FRMD4A: variants seen among roughly 807,000 people sequenced by gnomAD.
FRMD4A encodes FERM domain-containing protein 4A.
FRMD4A carries 29 observed loss-of-function variants against 129.1 expected under a neutral mutation model. That is an observed-to-expected ratio of 0.22 (90% CI 0.17 to 0.31). The LOEUF (loss-of-function observed/expected upper bound fraction) is 0.31, where lower values mean the gene tolerates loss of function less well. Ranked by LOEUF, FRMD4A falls within the 10% of genes least tolerant of loss-of-function variation. The probability of loss-of-function intolerance (pLI) is 1.00; values close to 1 mark genes in which losing one functional copy is unlikely to be tolerated. For synonymous variants in FRMD4A, 634 were observed against 571.6 expected (o/e 1.11, Z -1.56); for missense variants, 1,272 against 1,375.8 (o/e 0.92, Z 1.19).
intron 2 of FRMD4A, among the ~76,000 whole-genome samples, chr10:13,915,234 G>C (rs1267419724): frequency 6.6e-6 from 1 of 152,176 alleles, no homozygotes; most frequent in East Asian, 1.9e-4. Flanking sequence ...GAAGGGAATG[G>C]TGATGTCTAG....
chr10:14,128,046 CTCTT>C (rs534411383), intron 2 of FRMD4A, among the ~76,000 whole-genome samples: 8,903 of 77,574 alleles, frequency 0.11, 742 homozygotes, highest in Middle Eastern at 0.14. Context: ...CTTTCTTTCC[CTCTT>C]TCTTTCTTTC....
intron 2 of FRMD4A, among the ~76,000 whole-genome samples, chr10:14,020,322 T>G (rs1832683937): frequency 6.6e-6 from 1 of 152,170 alleles, no homozygotes; most frequent in Non-Finnish European, 1.5e-5. Flanking sequence ...GCAGAAGCCT[T>G]GCATTCCCCC....
At chr10:13,809,356 C>G (rs1246599411) in intron 4 of FRMD4A, among the ~76,000 whole-genome samples, 1 of 152,106 alleles carries the variant, frequency 6.6e-6, no homozygotes, top group Non-Finnish European at 1.5e-5. Context: ...GAAATGTGAA[C>G]AATGGGGCTA....
chr10:13,964,779 C>G (rs1429772884), intron 2 of FRMD4A, among the ~76,000 whole-genome samples: 1 of 151,742 alleles, frequency 6.6e-6, no homozygotes, highest in Non-Finnish European at 1.5e-5. Flanking sequence ...ACCTCCACCT[C>G]CTGGGTTCAA....
intron 2 of FRMD4A, among the ~76,000 whole-genome samples, chr10:14,150,454 AT>A (rs998899359): frequency 6.6e-6 from 1 of 152,086 alleles, no homozygotes; most frequent in Non-Finnish European, 1.5e-5. Context: ...AAATTGCTTA[AT>A]TTTTTGCATA....
intron 2 of FRMD4A, among the ~76,000 whole-genome samples, chr10:14,299,832 T>C (rs971750423): frequency 6.6e-6 from 1 of 152,084 alleles, no homozygotes; most frequent in Non-Finnish European, 1.5e-5. Flanking sequence ...GAATACAGTA[T>C]GTGTAGTTTG....
At chr10:14,191,194 T>C (rs1259212898) in intron 2 of FRMD4A, among the ~76,000 whole-genome samples, 1 of 152,248 alleles carries the variant, frequency 6.6e-6, no homozygotes, top group Non-Finnish European at 1.5e-5. Context: ...GCTTTTCTTA[T>C]GTGTGTTATC....
At chr10:13,750,446 C>T (rs1191061228) in intron 8 of FRMD4A, among the ~76,000 whole-genome samples, 2 of 152,172 alleles carry the variant, frequency 1.3e-5, no homozygotes, top group Non-Finnish European at 2.9e-5. Flanking sequence ...GGAGCTCCTA[C>T]AAAGCTCACT....
chr10:13,695,938 C>T (rs1201671734), intron 14 of FRMD4A, among the ~76,000 whole-genome samples: 3 of 152,252 alleles, frequency 2.0e-5, no homozygotes, highest in Admixed American at 6.5e-5. Context: ...AGGACAGCGA[C>T]TTCCGACCTC....
chr10:13,953,712 T>C (rs2095389760), intron 2 of FRMD4A, among the ~76,000 whole-genome samples: 1 of 152,204 alleles, frequency 6.6e-6, no homozygotes, highest in Non-Finnish European at 1.5e-5. Flanking sequence ...GTTAGAATTG[T>C]TGAATTTATT....
At chr10:14,280,171 G>A (rs1393935368) in intron 2 of FRMD4A, among the ~76,000 whole-genome samples, 1 of 152,188 alleles carries the variant, frequency 6.6e-6, no homozygotes, top group African/African-American at 2.4e-5. Context: ...AGTGCGATGT[G>A]GTGGTGGAGC....
intron 2 of FRMD4A, among the ~76,000 whole-genome samples, chr10:14,206,377 C>A (rs950799379): frequency 6.6e-6 from 1 of 152,208 alleles, no homozygotes; most frequent in Non-Finnish European, 1.5e-5. Flanking sequence ...CTTCTCCATG[C>A]CAGAGGCCTG....
intron 3 of FRMD4A, among the ~76,000 whole-genome samples, chr10:13,841,727 G>C (rs951329548): frequency 1.3e-5 from 2 of 152,126 alleles, no homozygotes; most frequent in African/African-American, 4.8e-5. Flanking sequence ...GTGGGCCCTG[G>C]CTAGCCTCCT....
chr10:14,151,313 T>C (rs574429930), intron 2 of FRMD4A, among the ~76,000 whole-genome samples: 1 of 152,286 alleles, frequency 6.6e-6, no homozygotes, highest in East Asian at 1.9e-4. Context: ...ATGTACACCA[T>C]GAAATACTAT....
At chr10:13,706,041 C>T (rs1171896906) in intron 13 of FRMD4A, among the ~76,000 whole-genome samples, 1 of 152,156 alleles carries the variant, frequency 6.6e-6, no homozygotes, top group Non-Finnish European at 1.5e-5. Flanking sequence ...GTCCAGAGCT[C>T]ATGGGGAGGG....
chr10:14,065,998 G>T (rs1307007645), intron 2 of FRMD4A, among the ~76,000 whole-genome samples: 1 of 124,602 alleles, frequency 8.0e-6, no homozygotes, highest in East Asian at 2.4e-4. Flanking sequence ...TATGAAGTGG[G>T]GGTATGTATT....
chr10:13,820,543 CA>C (rs112274045), intron 3 of FRMD4A, among the ~76,000 whole-genome samples: 3,774 of 135,900 alleles, frequency 0.028, 114 homozygotes, highest in African/African-American at 0.079. Flanking sequence ...AATTGTATCT[CA>C]AAAAAAAAAA....
chr10:13,665,009 A>C (rs1201211442), intron 18 of FRMD4A, among the ~76,000 whole-genome samples: 1 of 152,164 alleles, frequency 6.6e-6, no homozygotes, highest in East Asian at 1.9e-4. Context: ...CAGCCTCCTG[A>C]ATAGCTAGGA....
At chr10:14,074,730 A>T (rs934807382) in intron 2 of FRMD4A, 1 of 152,138 alleles carries the variant, frequency 6.6e-6, no homozygotes, top group Non-Finnish European at 1.5e-5. Flanking sequence ...GAACTCGTTG[A>T]TTTGTCAAAC....
Sources: gnomAD v4.1 joint callset for allele counts (sites outside exome capture counted in the v4.1 genomes callset) on GRCh38, gnomAD v4.1.1 for gene constraint, MANE v1.5 for transcripts, NCBI Gene and HGNC (gene_info 2026-07-23, HGNC 2026-07-21) for gene names.